Variants in CNTN6 observed in about 807,000 individuals in gnomAD.
CNTN6 encodes contactin-6.
Under a neutral mutation model 122.8 loss-of-function variants are expected in CNTN6, and 137 were observed. The observed-to-expected ratio is 1.12, with a 90% CI of 0.97 to 1.29. The LOEUF (loss-of-function observed/expected upper bound fraction) is 1.29, where lower values mean the gene tolerates loss of function less well. Ranked by LOEUF, CNTN6 falls within the 50% of genes most tolerant of loss-of-function variation. The pLI is 0.00. For synonymous variants in CNTN6, 570 were observed against 426.0 expected (o/e 1.34, Z -4.16); for missense variants, 1,634 against 1,223.4 (o/e 1.34, Z -5.01).
At chr3:1,169,065 G>T (rs760938300) in intron 2 of CNTN6, among the ~76,000 whole-genome samples, 8 of 152,150 alleles carry the variant, frequency 5.3e-5, no homozygotes, top group Non-Finnish European at 1.0e-4. Context: ...GATGCAGTGA[G>T]TGGCAGAGGA....
intron 8 of CNTN6, 124 bp downstream of exon 8, chr3:1,321,958 GT>G: frequency 1.3e-6 from 1 of 771,772 alleles, no homozygotes; most frequent in Non-Finnish European, 2.1e-6. Context: ...ATATTTCCGG[GT>G]TTAGATGCTT....
chr3:1,247,348 T>C (rs2094596733), intron 4 of CNTN6, among the ~76,000 whole-genome samples: 1 of 152,130 alleles, frequency 6.6e-6, no homozygotes, highest in Non-Finnish European at 1.5e-5. Context: ...TGACCTCTTT[T>C]TTCTCTCTTC....
chr3:1,147,815 A>G (rs2092753982), intron 1 of CNTN6, 112 bp from the exon 2 acceptor site: 1 of 445,080 alleles, frequency 2.2e-6, no homozygotes, highest in South Asian at 4.7e-5. Context: ...AGGTTGCTTT[A>G]TTTTGGATAA....
At chr3:1,290,118 G>A (rs73111163) in intron 5 of CNTN6, among the ~76,000 whole-genome samples, 7 of 152,312 alleles carry the variant, frequency 4.6e-5, no homozygotes, top group East Asian at 1.9e-4. Flanking sequence ...GGAGCCCAGC[G>A]GCTTGTGGTT....
chr3:1,161,254 A>G (rs2093126141), intron 2 of CNTN6, among the ~76,000 whole-genome samples: 1 of 102,226 alleles, frequency 9.8e-6, no homozygotes, highest in Non-Finnish European at 1.9e-5. Context: ...ATGATTATAT[A>G]TATATGATAT....
chr3:1,123,080 AAG>A (rs1162608955), intron 1 of CNTN6, among the ~76,000 whole-genome samples: 1 of 151,858 alleles, frequency 6.6e-6, no homozygotes, highest in Non-Finnish European at 1.5e-5. Context: ...TGGGAAGTAT[AAG>A]TCCTTCAAGT....
intron 1 of CNTN6, among the ~76,000 whole-genome samples, chr3:1,112,129 G>T (rs1031162059): frequency 6.6e-6 from 1 of 152,050 alleles, no homozygotes; most frequent in African/African-American, 2.4e-5. Context: ...AAAACTTAAG[G>T]ATCAGTTCAT....
At chr3:1,162,690 A>C (rs1213079586) in intron 2 of CNTN6, among the ~76,000 whole-genome samples, 2 of 152,264 alleles carry the variant, frequency 1.3e-5, no homozygotes, top group Admixed American at 6.5e-5. Context: ...GCATAATGAC[A>C]TAGCTGTGGA....
At chr3:1,103,031 G>A (rs960251236) in intron 1 of CNTN6, among the ~76,000 whole-genome samples, 16 of 151,548 alleles carry the variant, frequency 1.1e-4, no homozygotes, top group Admixed American at 2.6e-4. Context: ...GCGGGAACCC[G>A]GGAGGCGGAG....
intron 19 of CNTN6, among the ~76,000 whole-genome samples, chr3:1,384,395 G>C (rs1323051272): frequency 7.0e-6 from 1 of 142,152 alleles, no homozygotes; most frequent in Non-Finnish European, 1.5e-5. Context: ...AACTTGGAAA[G>C]ATGTAATCAT....
At chr3:1,287,954 C>G (rs1022544027) in intron 5 of CNTN6, among the ~76,000 whole-genome samples, 1 of 151,802 alleles carries the variant, frequency 6.6e-6, no homozygotes, top group Non-Finnish European at 1.5e-5. Flanking sequence ...GCCACTGTTA[C>G]TTATTCCTCT....
intron 4 of CNTN6, among the ~76,000 whole-genome samples, chr3:1,273,109 C>A (rs3772320): frequency 0.53 from 80,634 of 151,980 alleles, 24,651 homozygotes; most frequent in East Asian, 0.82. Flanking sequence ...AACCAGCAAT[C>A]AAACCACAGG....
At chr3:1,301,079 C>T (rs914538281) in intron 7 of CNTN6, among the ~76,000 whole-genome samples, 2 of 133,282 alleles carry the variant, frequency 1.5e-5, no homozygotes, top group African/African-American at 5.7e-5. Flanking sequence ...CTCTGTCGCC[C>T]AGGCTGGAGT....
At chr3:1,222,218 T>C (rs781429224) in intron 3 of CNTN6, among the ~76,000 whole-genome samples, 1 of 152,108 alleles carries the variant, frequency 6.6e-6, no homozygotes, top group Non-Finnish European at 1.5e-5. Flanking sequence ...CTTTGCAAAT[T>C]TGGGACACTC....
At chr3:1,321,356 T>C (rs190849570) in intron 7 of CNTN6, among the ~76,000 whole-genome samples, 4 of 151,796 alleles carry the variant, frequency 2.6e-5, no homozygotes, top group Admixed American at 6.6e-5. Flanking sequence ...TTGTTTATGG[T>C]ATGTTTTCCC....
intron 7 of CNTN6, among the ~76,000 whole-genome samples, chr3:1,307,661 C>T (rs547490004): frequency 3.9e-5 from 6 of 152,084 alleles, no homozygotes; most frequent in Non-Finnish European, 7.4e-5. Context: ...TTTCTTGTCT[C>T]ATTAGTCTTC....
At chr3:1,249,465 G>T (rs1223597252) in intron 4 of CNTN6, among the ~76,000 whole-genome samples, 1 of 152,162 alleles carries the variant, frequency 6.6e-6, no homozygotes, top group Non-Finnish European at 1.5e-5. Context: ...AAAAAAATGT[G>T]CTTGAGCATT....
chr3:1,208,093 C>T (rs942484100), intron 2 of CNTN6, among the ~76,000 whole-genome samples: 4 of 152,080 alleles, frequency 2.6e-5, no homozygotes, highest in African/African-American at 7.2e-5. Flanking sequence ...TGGTTTCAAA[C>T]GTTTGATAAA....
At chr3:1,401,212 TATTA>T in intron 20 of CNTN6, 1 of 455,582 alleles carries the variant, frequency 2.2e-6, no homozygotes, top group South Asian at 2.6e-5. Context: ...AGCAAGCCAT[TATTA>T]ATTCATAAGT....
Sources: allele counts gnomAD v4.1 joint callset (sites outside exome capture counted in the v4.1 genomes callset), GRCh38; gene constraint gnomAD v4.1.1; transcripts MANE v1.5; gene names NCBI Gene and HGNC (gene_info 2026-07-23, HGNC 2026-07-21).